Variants in ERBB4 observed in about 807,000 individuals in gnomAD.
The protein encoded by ERBB4 is receptor tyrosine-protein kinase erbB-4.
A neutral mutation model predicts 158.0 loss-of-function variants in ERBB4; 42 were observed. That is an observed-to-expected ratio of 0.27 (90% CI 0.21 to 0.34). The LOEUF (loss-of-function observed/expected upper bound fraction) is 0.34, where lower values mean the gene tolerates loss of function less well. Among genes scored for constraint, ERBB4 ranks in the 10% least tolerant of loss-of-function variants. The pLI is 1.00. For synonymous variants in ERBB4, 583 were observed against 558.7 expected (o/e 1.04, Z -0.61); for missense variants, 1,333 against 1,624.1 (o/e 0.82, Z 3.08).
intron 2 of ERBB4, among the ~76,000 whole-genome samples, chr2:212,032,526 A>G (rs2076925945): frequency 6.6e-6 from 1 of 152,062 alleles, no homozygotes; most frequent in Admixed American, 6.6e-5. Flanking sequence ...CTAGTTTAAT[A>G]CCTTCACCAC....
chr2:212,406,166 A>T (rs1051369788), intron 1 of ERBB4, among the ~76,000 whole-genome samples: 4 of 152,196 alleles, frequency 2.6e-5, no homozygotes, highest in African/African-American at 4.8e-5. Flanking sequence ...TATATTCAGC[A>T]CTACTACCAT....
At chr2:211,674,036 C>T (rs1344708491) in intron 13 of ERBB4, among the ~76,000 whole-genome samples, 1 of 151,952 alleles carries the variant, frequency 6.6e-6, no homozygotes, top group Non-Finnish European at 1.5e-5. Flanking sequence ...ATGTTATCAA[C>T]TTATGAATTT....
intron 1 of ERBB4, among the ~76,000 whole-genome samples, chr2:212,311,151 A>G (rs543512387): frequency 6.6e-6 from 1 of 151,052 alleles, no homozygotes; most frequent in African/African-American, 2.4e-5. Flanking sequence ...TCCAACATTT[A>G]TTAAATGAAT....
Position 211,947,502 on chromosome 2 carries a change from A to G in ERBB4, c.349T>C (p.Leu117=). 1 of 1,613,864 alleles carries G rather than the reference A, an allele frequency of 6.2e-7. No homozygotes were observed. Among genetic ancestry groups the G allele is most frequent in the Non-Finnish European group, 8.5e-7 (1 of 1,179,882 alleles). Residue 117 remains leucine (L), a synonymous_variant, in exon 3 of 28, where the codon TTG becomes CTG. Coordinates refer to ENST00000342788, the MANE Select transcript of ERBB4 (RefSeq NM_005235.3). ...GTKLYEDRYA[L]AIFLNYRKDG... ...TTTCTGTAGTTTAAAAATATTGCCA[A>G]GGCATATCGATCCTCATAAAGTTTT...
intron 20 of ERBB4, among the ~76,000 whole-genome samples, chr2:211,479,002 C>T (rs2065022772): frequency 6.6e-6 from 1 of 152,142 alleles, no homozygotes; most frequent in Non-Finnish European, 1.5e-5. Context: ...CATGGGCCTC[C>T]TCCTGTATGT....
intron 1 of ERBB4, among the ~76,000 whole-genome samples, chr2:212,292,061 A>G (rs923688426): frequency 6.6e-5 from 10 of 151,838 alleles, no homozygotes; most frequent in African/African-American, 2.4e-4. Context: ...AACATTTCTG[A>G]AAAAAAGCTA....
At chr2:211,636,116 T>TA (rs200202771) in intron 16 of ERBB4, among the ~76,000 whole-genome samples, 11 of 151,180 alleles carry the variant, frequency 7.3e-5, no homozygotes, top group African/African-American at 1.5e-4. Context: ...TGTGTTTTTT[T>TA]AAAAAAAAAG....
At chr2:211,701,936 T>G in intron 12 of ERBB4, 31 bp downstream of exon 12, 3 of 1,524,660 alleles carry the variant, frequency 2.0e-6, no homozygotes, top group Non-Finnish European at 2.7e-6. Context: ...TTTAAGTTTC[T>G]ATGTTTTAAA....
At chr2:212,226,526 A>G (rs1360846031) in intron 1 of ERBB4, among the ~76,000 whole-genome samples, 2 of 152,202 alleles carry the variant, frequency 1.3e-5, no homozygotes, top group East Asian at 3.8e-4. Context: ...GAAAGAAACC[A>G]TAATTATATA....
At chr2:212,022,730 T>C (rs1043874993) in intron 2 of ERBB4, among the ~76,000 whole-genome samples, 68 of 152,062 alleles carry the variant, frequency 4.5e-4, no homozygotes, top group African/African-American at 1.5e-3. Context: ...GAAAATTAAC[T>C]GGGTTTGAGT....
chr2:211,461,452 CAGAGGATCTGTGGTGGT>C (rs2064528455), intron 20 of ERBB4, among the ~76,000 whole-genome samples: 1 of 152,090 alleles, frequency 6.6e-6, no homozygotes, highest in African/African-American at 2.4e-5. Flanking sequence ...CAAGGGATGT[CAGAGGATCTGTGGTGGT>C]AGTTTCCTCT....
intron 1 of ERBB4, among the ~76,000 whole-genome samples, chr2:212,312,586 T>C (rs1053289490): frequency 2.0e-5 from 3 of 151,006 alleles, no homozygotes; most frequent in African/African-American, 7.3e-5. Context: ...CTAATTAAAC[T>C]ATTTTAAGCA....
At chr2:212,503,197 G>C (rs1690994886) in intron 1 of ERBB4, among the ~76,000 whole-genome samples, 1 of 152,198 alleles carries the variant, frequency 6.6e-6, no homozygotes, top group African/African-American at 2.4e-5. Context: ...TTAAGCTACT[G>C]TAACACAGGG....
chr2:212,362,824 T>C (rs189665258), intron 1 of ERBB4, among the ~76,000 whole-genome samples: 75 of 151,326 alleles, frequency 5.0e-4, no homozygotes, highest in African/African-American at 1.7e-3. Context: ...CATAAAAAAA[T>C]ATACTTTTTA....
In ERBB4 at chr2:212,270,369, C is replaced by T. The variant is rs553301775; in HGVS notation, c.83-145466G>A. Among the ~76,000 whole-genome samples, 5 of 151,904 alleles carry T rather than the reference C, an allele frequency of 3.3e-5. No individual in the cohort carries two copies. In the South Asian group the frequency reaches 1.0e-3, roughly 32 times the overall value. ...AAGATCTTTGCACTTGAACAGCTTT[C>T]TCCAAGTTCTTCCTATGGCTTGTTC... On this transcript the variant is annotated intron_variant, in intron 1 of 27. Transcript: ENST00000342788.
chr2:212,385,108 C>A (rs548156059), intron 1 of ERBB4, among the ~76,000 whole-genome samples: 1 of 151,508 alleles, frequency 6.6e-6, no homozygotes, highest in Admixed American at 6.6e-5. Flanking sequence ...CACTTTATTG[C>A]AAATAAACGG....
At chr2:211,747,019 G>A (rs1262613774) in intron 5 of ERBB4, among the ~76,000 whole-genome samples, 1 of 151,852 alleles carries the variant, frequency 6.6e-6, no homozygotes, top group Non-Finnish European at 1.5e-5. Context: ...GTGACTTTGG[G>A]GACTGTTTCT....
intron 25 of ERBB4, among the ~76,000 whole-genome samples, chr2:211,392,558 C>CCACACACACACACACA (rs5838261): frequency 5.7e-4 from 80 of 141,004 alleles, no homozygotes; most frequent in African/African-American, 2.1e-3. Flanking sequence ...CTCTCTTACT[C>CCACACACACACACACA]CACACACACA....
chr2:211,924,199 A>C (rs2079954073), intron 3 of ERBB4, among the ~76,000 whole-genome samples: 1 of 152,186 alleles, frequency 6.6e-6, no homozygotes, highest in Non-Finnish European at 1.5e-5. Context: ...TGTTGCTAGG[A>C]GTCCCATAGC....
Sources: gnomAD v4.1 joint callset for allele counts (sites outside exome capture counted in the v4.1 genomes callset) on GRCh38, gnomAD v4.1.1 for gene constraint, MANE v1.5 for transcripts, NCBI Gene and HGNC (gene_info 2026-07-23, HGNC 2026-07-21) for gene names.